HS2ST1: variants seen among roughly 807,000 people sequenced by gnomAD.
The protein encoded by HS2ST1 is heparan sulfate 2-O-sulfotransferase 1.
HS2ST1 carries 18 observed loss-of-function variants against 42.9 expected under a neutral mutation model. That is an observed-to-expected ratio of 0.42 (90% CI 0.29 to 0.62). The LOEUF (loss-of-function observed/expected upper bound fraction) is 0.62, where lower values mean the gene tolerates loss of function less well. Ranked by LOEUF, HS2ST1 falls within the 20% of genes least tolerant of loss-of-function variation. HS2ST1 has a pLI of 0.21. For missense variants in HS2ST1, 334 were observed against 433.8 expected, an observed-to-expected ratio of 0.77 and a Z score of 2.04; for synonymous variants, 146 against 152.9, an observed-to-expected ratio of 0.95 and a Z score of 0.33.
At position 87,105,746 on chromosome 1, in the gene HS2ST1, C is replaced by G. The variant is rs2100659597; in HGVS notation, c.*1050C>G. 6.6e-6 allele frequency: 1 copy of G among 152,636 alleles called. No homozygotes were observed. The highest frequency in any genetic ancestry group is 3.4e-3 in the Middle Eastern group (1 of 294). The allele number at this position is 152,636 out of a possible 1,614,324, so 9.5% of individuals were successfully genotyped here. ...CCAATTTTATGTCAAGTAAAACCAT[C>G]AGACCTACTGTTCTTGTATTTCTCA... On this transcript the variant is annotated 3_prime_UTR_variant, in exon 7 of 7. Transcript: ENST00000370550.
chr1:86,962,086 C>T (rs1388102723), intron 1 of HS2ST1, among the ~76,000 whole-genome samples: 1 of 151,768 alleles, frequency 6.6e-6, no homozygotes, highest in Non-Finnish European at 1.5e-5. Flanking sequence ...TAATGTATTG[C>T]AATATATGTA....
At chr1:87,027,017 G>T (rs1650104275) in intron 1 of HS2ST1, among the ~76,000 whole-genome samples, 1 of 152,116 alleles carries the variant, frequency 6.6e-6, no homozygotes, top group Non-Finnish European at 1.5e-5. Flanking sequence ...GCAGACTGTT[G>T]TATGTATAGA....
At chr1:87,067,635 T>C (rs1429478252) in intron 1 of HS2ST1, among the ~76,000 whole-genome samples, 1 of 152,054 alleles carries the variant, frequency 6.6e-6, no homozygotes, top group East Asian at 1.9e-4. Context: ...AGTCATGAAG[T>C]CTTTGCCCAT....
chr1:86,921,494 C>T (rs72947852), intron 1 of HS2ST1, among the ~76,000 whole-genome samples: 3,487 of 151,872 alleles, frequency 0.023, 69 homozygotes, highest in African/African-American at 0.049. Context: ...ACTTAATCTC[C>T]GATGCAACAG....
intron 1 of HS2ST1, chr1:87,064,387 T>C: frequency 2.1e-6 from 1 of 472,838 alleles, no homozygotes; most frequent in East Asian, 5.6e-5. Flanking sequence ...TCATGTATTG[T>C]GTGCCAGTAT....
chr1:86,949,396 A>AC (rs1296088490), intron 1 of HS2ST1, among the ~76,000 whole-genome samples: 1 of 152,210 alleles, frequency 6.6e-6, no homozygotes, highest in Non-Finnish European at 1.5e-5. Context: ...GGTGTGAGCC[A>AC]CCATGCTCAC....
intron 1 of HS2ST1, chr1:87,045,267 A>G: frequency 9.2e-7 from 1 of 1,090,742 alleles, no homozygotes; most frequent in African/African-American, 1.5e-5. Context: ...ATGTTGATCA[A>G]TAAAGTATAG....
At chr1:87,057,483 C>A (rs115866466) in intron 1 of HS2ST1, among the ~76,000 whole-genome samples, 1 of 151,936 alleles carries the variant, frequency 6.6e-6, no homozygotes, top group African/African-American at 2.4e-5. Context: ...GGCCTATATG[C>A]ACTCTACAGT....
At chr1:86,938,327 G>A (rs1570433266) in intron 1 of HS2ST1, among the ~76,000 whole-genome samples, 1 of 151,996 alleles carries the variant, frequency 6.6e-6, no homozygotes, top group African/African-American at 2.4e-5. Flanking sequence ...TGGGAATGGT[G>A]GAATTTTCTA....
At chr1:86,951,900 C>T (rs865972201) in intron 1 of HS2ST1, among the ~76,000 whole-genome samples, 8 of 152,190 alleles carry the variant, frequency 5.3e-5, no homozygotes, top group East Asian at 1.9e-4. Flanking sequence ...TTTCTTTGCT[C>T]GTCCCTAAGA....
intron 1 of HS2ST1, among the ~76,000 whole-genome samples, chr1:87,071,787 G>C (rs1290660498): frequency 6.6e-6 from 1 of 151,888 alleles, no homozygotes; most frequent in East Asian, 1.9e-4. Context: ...GCTTCCCTGG[G>C]AAGCAATTGA....
chr1:86,920,483 T>C (rs1302369656), intron 1 of HS2ST1, among the ~76,000 whole-genome samples: 2 of 148,220 alleles, frequency 1.3e-5, no homozygotes, highest in African/African-American at 2.6e-5. Flanking sequence ...ATACAGTTAT[T>C]CTAGAATTGG....
At position 86,989,092 on chromosome 1, in the gene HS2ST1, A is replaced by G. The variant is rs566480479; in HGVS notation, c.124+73932A>G. Among the ~76,000 whole-genome samples, 8 of 152,256 alleles carry G rather than the reference A, an allele frequency of 5.3e-5. 1 individual carries two copies. Among genetic ancestry groups the G allele is most frequent in the African/African-American group, 1.7e-4 (7 of 41,534 alleles). ...GAGGCAGACACCCTTAAAAATGGAG[A>G]TTTCCTTTATAGATGTAGATTTCTT... On this transcript the variant is annotated intron_variant, in intron 1 of 6. Transcript: ENST00000370550.
rs1652355495 is a variant in HS2ST1 at position 87,107,607 on chromosome 1, A to G, written c.*2911A>G. 7 of 148,138 alleles carry G rather than the reference A, an allele frequency of 4.7e-5. No homozygotes were observed. In the Admixed American group the frequency reaches 4.8e-4, roughly 10 times the overall value. The allele number at this position is 148,138 out of a possible 1,614,324, so 9.2% of individuals were successfully genotyped here. ...ACAAAAGTAACCACTTGGAATTTTA[A>G]AGATAATGTTATGTGTGTATGTGAA... is the stretch of plus-strand genomic sequence containing the variant. On this transcript the variant is annotated 3_prime_UTR_variant, in exon 7 of 7. Transcript: ENST00000370550.
chr1:86,973,939 G>C (rs1648313689), intron 1 of HS2ST1, among the ~76,000 whole-genome samples: 1 of 152,132 alleles, frequency 6.6e-6, no homozygotes. Flanking sequence ...GTCTATAGTT[G>C]TGACAGAGTA....
At chr1:86,950,695 G>A (rs1223135763) in intron 1 of HS2ST1, among the ~76,000 whole-genome samples, 1 of 152,194 alleles carries the variant, frequency 6.6e-6, no homozygotes, top group Non-Finnish European at 1.5e-5. Context: ...AATTGTGTCT[G>A]TGCAAGTATG....
In HS2ST1 at chr1:86,914,891, A is replaced by C. The variant is rs1660105166; in HGVS notation, c.-146A>C. On this transcript the variant is annotated 5_prime_UTR_variant, in exon 1 of 7. Transcript: ENST00000370550. ...GGGGGAGGGGGACTGGAGAGGCGAGAAGGGGGGTCGCTGCGGTGGTTCTCT... is the reference window on the plus strand; with the variant it reads ...GGGGGAGGGGGACTGGAGAGGCGAGCAGGGGGGTCGCTGCGGTGGTTCTCT... 2.5e-5 allele frequency: 23 copies of C among 921,022 alleles called. No homozygotes were observed. Among genetic ancestry groups the C allele is most frequent in the Non-Finnish European group, 3.8e-5 (23 of 610,066 alleles). The allele number at this position is 921,022 out of a possible 1,614,324, so 57.1% of individuals were successfully genotyped here.
chr1:86,965,222 C>T (rs1488257198), intron 1 of HS2ST1, among the ~76,000 whole-genome samples: 1 of 152,150 alleles, frequency 6.6e-6, no homozygotes, highest in Non-Finnish European at 1.5e-5. Flanking sequence ...TGACCATCTA[C>T]TGGCTCTCTC....
At chr1:87,013,095 G>T (rs1649650161) in intron 1 of HS2ST1, among the ~76,000 whole-genome samples, 1 of 152,156 alleles carries the variant, frequency 6.6e-6, no homozygotes, top group Non-Finnish European at 1.5e-5. Flanking sequence ...ACCATTCTAG[G>T]GTCTGGAGTA....
Sources: gnomAD v4.1 joint callset for allele counts (sites outside exome capture counted in the v4.1 genomes callset) on GRCh38, gnomAD v4.1.1 for gene constraint, MANE v1.5 for transcripts, NCBI Gene and HGNC (gene_info 2026-07-23, HGNC 2026-07-21) for gene names.